INO80: variants seen among roughly 807,000 people sequenced by gnomAD.
INO80 encodes chromatin-remodeling ATPase INO80.
A neutral mutation model predicts 203.4 loss-of-function variants in INO80; 20 were observed. The ratio of observed to expected loss-of-function variants is 0.10; its 90% CI spans 0.07 to 0.14. The LOEUF (loss-of-function observed/expected upper bound fraction) is 0.14, where lower values mean the gene tolerates loss of function less well. Ranked by LOEUF, INO80 falls within the 10% of genes least tolerant of loss-of-function variation. The probability of loss-of-function intolerance (pLI) is 1.00; values close to 1 mark genes in which losing one functional copy is unlikely to be tolerated. For synonymous variants in INO80, 726 were observed against 685.2 expected (o/e 1.06, Z -0.93); for missense variants, 1,419 against 1,914.4 (o/e 0.74, Z 4.83).
At position 40,985,300 on chromosome 15, in the gene INO80, C is replaced by T. The variant is rs1893979996; in HGVS notation, c.3921+38G>A. 4.1e-6 allele frequency: 6 copies of T among 1,466,460 alleles called. No individual in the cohort carries two copies. In the East Asian group the frequency reaches 1.4e-4, roughly 33 times the overall value. 90.8% of individuals were successfully genotyped at this position (1,466,460 alleles called of 1,614,324 possible). A position where few individuals can be genotyped will look rare whatever the true frequency, so the allele number is the denominator to read the frequency against. ...AGCCTTTTTGGTAAGTACCCCAGGC[C>T]CCATTAGCCCCTATCCACCATTCCA... On this transcript the variant is annotated intron_variant, in intron 32 of 35. Coordinates refer to ENST00000648947, the MANE Select transcript of INO80 (RefSeq NM_017553.3).
intron 19 of INO80, among the ~76,000 whole-genome samples, chr15:41,051,128 C>CAAACAAAAAAAAAAA (rs2044862322): frequency 1.3e-5 from 1 of 78,516 alleles, no homozygotes. Context: ...GACTCCATCT[C>CAAACAAAAAAAAAAA]AAAAAAAAAA....
intron 26 of INO80, among the ~76,000 whole-genome samples, 183 bp downstream of exon 26, chr15:41,020,717 A>G (rs780758732): frequency 1.3e-5 from 2 of 152,066 alleles, no homozygotes; most frequent in Non-Finnish European, 2.9e-5. Flanking sequence ...AAATCTAAAA[A>G]CATTTCTCTC....
At chr15:41,054,475 C>T (rs969450872) in intron 18 of INO80, among the ~76,000 whole-genome samples, 2 of 151,982 alleles carry the variant, frequency 1.3e-5, no homozygotes, top group African/African-American at 4.8e-5. Context: ...TCAACAATAT[C>T]AAAAGTATTG....
chr15:40,996,426 G>A (rs2043882175), intron 29 of INO80, among the ~76,000 whole-genome samples: 1 of 152,068 alleles, frequency 6.6e-6, no homozygotes, highest in African/African-American at 2.4e-5. Context: ...GGGTTCAAGC[G>A]ACTCTCCTGC....
chr15:41,101,652 C>G (rs1038499155), intron 1 of INO80, among the ~76,000 whole-genome samples: 2 of 151,602 alleles, frequency 1.3e-5, no homozygotes, highest in African/African-American at 4.8e-5. Flanking sequence ...CAGGTTCAAG[C>G]CATTCTCCTG....
intron 29 of INO80, among the ~76,000 whole-genome samples, chr15:40,995,216 A>T (rs1199693755): frequency 6.6e-6 from 1 of 152,168 alleles, no homozygotes; most frequent in East Asian, 1.9e-4. Flanking sequence ...ATGTAAAATA[A>T]TTACTTACAA....
intron 9 of INO80, among the ~76,000 whole-genome samples, chr15:41,075,398 A>C (rs939299838): frequency 6.6e-6 from 1 of 151,788 alleles, no homozygotes; most frequent in Admixed American, 6.6e-5. Context: ...TGCTCTCCCA[A>C]GTAGCTGGGA....
intron 25 of INO80, chr15:41,023,345 A>G (rs2044323547): frequency 2.2e-6 from 1 of 455,538 alleles, no homozygotes; most frequent in African/African-American, 2.0e-5. Flanking sequence ...TGTGTCGCAG[A>G]CCTGCAAAAT....
intron 9 of INO80, among the ~76,000 whole-genome samples, chr15:41,078,361 C>G (rs79306178): frequency 6.6e-6 from 1 of 152,146 alleles, no homozygotes; most frequent in Non-Finnish European, 1.5e-5. Flanking sequence ...AACTAAGAAT[C>G]TAGGTCTCAG....
chr15:41,049,484 G>T, intron 20 of INO80, 64 bp from the exon 21 acceptor site: 5 of 1,486,590 alleles, frequency 3.4e-6, no homozygotes, highest in Non-Finnish European at 4.6e-6. Flanking sequence ...AATGACAGGG[G>T]ATCCCAAATC....
At chr15:41,114,640 C>T (rs2046002999) in intron 1 of INO80, among the ~76,000 whole-genome samples, 1 of 148,462 alleles carries the variant, frequency 6.7e-6, no homozygotes, top group Non-Finnish European at 1.5e-5. Flanking sequence ...ACCTGGGAGG[C>T]GGAGGTCGCA....
intron 1 of INO80, among the ~76,000 whole-genome samples, chr15:41,105,125 T>G (rs2045863648): frequency 6.6e-6 from 1 of 152,228 alleles, no homozygotes; most frequent in Admixed American, 6.5e-5. Context: ...GTCAGTCATA[T>G]CTGTGATAAT....
At chr15:41,064,791 ATT>A in intron 14 of INO80, among the ~76,000 whole-genome samples, 1 of 152,116 alleles carries the variant, frequency 6.6e-6, no homozygotes. Context: ...GAGCTCAGGA[ATT>A]TGAGACCAGC....
At chr15:41,083,276 C>CAA (rs1250245997) in intron 7 of INO80, among the ~76,000 whole-genome samples, 6 of 66,982 alleles carry the variant, frequency 9.0e-5, no homozygotes, top group East Asian at 4.6e-4. Flanking sequence ...GACTCCGTCT[C>CAA]AAAAAAAAAA....
intron 1 of INO80, among the ~76,000 whole-genome samples, chr15:41,098,421 T>A (rs2045756761): frequency 6.6e-6 from 1 of 152,002 alleles, no homozygotes; most frequent in Non-Finnish European, 1.5e-5. Flanking sequence ...ATGCCTGTAA[T>A]CCCAGCACTC....
At chr15:41,112,993 G>A (rs1444537175) in intron 1 of INO80, among the ~76,000 whole-genome samples, 1 of 151,360 alleles carries the variant, frequency 6.6e-6, no homozygotes, top group African/African-American at 2.4e-5. Context: ...TCGGCTCACT[G>A]CAATCTCTGC....
chr15:41,110,576 C>G (rs2045945767), intron 1 of INO80, among the ~76,000 whole-genome samples: 1 of 152,098 alleles, frequency 6.6e-6, no homozygotes, highest in African/African-American at 2.4e-5. Context: ...GTAGCTGGGA[C>G]TACAGGCATG....
intron 6 of INO80, among the ~76,000 whole-genome samples, chr15:41,086,615 C>T (rs1371613330): frequency 2.0e-5 from 3 of 150,470 alleles, no homozygotes; most frequent in Non-Finnish European, 4.4e-5. Flanking sequence ...CACGCCACTG[C>T]ACTCCAGCCT....
chr15:41,020,639 C>CT (rs1226804765), intron 26 of INO80, among the ~76,000 whole-genome samples: 7 of 36,164 alleles, frequency 1.9e-4, no homozygotes, highest in Non-Finnish European at 1.1e-3. Flanking sequence ...TTTATTTCTA[C>CT]CTTTTTTTTT....
Sources: allele counts gnomAD v4.1 joint callset (sites outside exome capture counted in the v4.1 genomes callset), GRCh38; gene constraint gnomAD v4.1.1; transcripts MANE v1.5; gene names NCBI Gene and HGNC (gene_info 2026-07-23, HGNC 2026-07-21).